Variants in CHRDL1 observed in about 807,000 individuals in gnomAD.
CHRDL1 encodes the protein chordin-like protein 1.
In CHRDL1, 19 loss-of-function variants were observed where a neutral mutation model predicts 40.9. That is an observed-to-expected ratio of 0.46 (90% confidence interval 0.32 to 0.68). The LOEUF (loss-of-function observed/expected upper bound fraction) is 0.68, where lower values mean the gene tolerates loss of function less well. Among genes scored for constraint, CHRDL1 ranks in the 30% least tolerant of loss-of-function variants. The probability of loss-of-function intolerance (pLI) is 0.03; values close to 1 mark genes in which losing one functional copy is unlikely to be tolerated. For missense variants in CHRDL1, 329 were observed against 352.1 expected, an observed-to-expected ratio of 0.93 and a Z score of 0.53; for synonymous variants, 136 against 123.4, an observed-to-expected ratio of 1.10 and a Z score of -0.68.
At chrX:110,738,739 CA>C (rs773511151) in intron 4 of CHRDL1, among the ~76,000 whole-genome samples, 1,159 of 65,188 alleles carry the variant, frequency 0.018, 19 homozygotes, top group African/African-American at 0.048. Flanking sequence ...GAGACTCCTT[CA>C]AAAAAAAAAA....
Position 110,679,418 on chromosome X carries a change from G to C in CHRDL1, c.1164C>G (p.Leu388=), listed in dbSNP as rs901511499. ...VHVWTIRKGI[L]QHFHIEKISK... Reference sequence around the variant, plus strand: ...AGATCTTCTCAATATGGAAGTGCTGGAGAATGCCTAGGGCCAAGCAAAAAG... The same window carrying C: ...AGATCTTCTCAATATGGAAGTGCTGCAGAATGCCTAGGGCCAAGCAAAAAG... Residue 388 remains leucine (L), a synonymous_variant, in exon 11 of 12, where the codon CTC becomes CTG. Transcript: ENST00000372042. 2 of 1,198,589 alleles carry C rather than the reference G, an allele frequency of 1.7e-6. No individual in the cohort carries two copies. The highest frequency in any genetic ancestry group is 4.4e-5 in the Admixed American group (2 of 45,971).
intron 6 of CHRDL1, among the ~76,000 whole-genome samples, chrX:110,713,671 T>C (rs1370208896): frequency 1.8e-5 from 2 of 112,485 alleles, no homozygotes; most frequent in Non-Finnish European, 3.8e-5. Context: ...CATTTGTCCT[T>C]GGACAAATCA....
intron 5 of CHRDL1, 53 bp from the exon 6 acceptor site, chrX:110,719,981 G>A: frequency 1.3e-6 from 1 of 793,421 alleles, no homozygotes; most frequent in Non-Finnish European, 1.9e-6. Context: ...AAGTGTAAAG[G>A]CTTCACTTAA....
chrX:110,767,715 G>A (rs1222174210), intron 2 of CHRDL1, among the ~76,000 whole-genome samples: 1 of 111,074 alleles, frequency 9.0e-6, no homozygotes, highest in Non-Finnish European at 1.9e-5. Context: ...AAACACTGCT[G>A]AGAGACATCA....
At chrX:110,702,249 G>T (rs16986084) in intron 6 of CHRDL1, among the ~76,000 whole-genome samples, 6,547 of 111,058 alleles carry the variant, frequency 0.059, 457 homozygotes, top group African/African-American at 0.2. Context: ...CTTCCGTGCT[G>T]TAGCTCATGT....
At chrX:110,689,606 C>CTA (rs1366698506) in intron 8 of CHRDL1, among the ~76,000 whole-genome samples, 777 of 2,237 alleles carry the variant, frequency 0.35, 213 homozygotes, top group Middle Eastern at 0.5. Flanking sequence ...CTATATATAT[C>CTA]TATATATCTA....
rs768110433 is a variant in CHRDL1, at chrX:110,721,714, T to TATCCATCC, written c.302-192_302-185dup. ...AAGTACAGCAGCTGACATTATGATC[T>TATCCATCC]ATCCATCCATCCATCCATCCATCCG... On this transcript the variant is annotated intron_variant, in intron 4 of 11. Coordinates refer to ENST00000372042, the MANE Select transcript of CHRDL1 (RefSeq NM_001143981.2). 7.6e-4 allele frequency among the ~76,000 whole-genome samples: 85 copies of TATCCATCC among 111,943 alleles called. 1 individual carries two copies. Among genetic ancestry groups the TATCCATCC allele is most frequent in the Admixed American group, 4.1e-3 (44 of 10,611 alleles).
chrX:110,729,710 C>T (rs778280530), intron 4 of CHRDL1, among the ~76,000 whole-genome samples: 2 of 111,731 alleles, frequency 1.8e-5, no homozygotes, highest in African/African-American at 6.5e-5. Context: ...GCTTCCAAGA[C>T]CTGTCCTAGG....
intron 6 of CHRDL1, among the ~76,000 whole-genome samples, chrX:110,710,608 G>C (rs535196109): frequency 8.9e-6 from 1 of 111,750 alleles, no homozygotes; most frequent in South Asian, 3.8e-4. Flanking sequence ...TATTCTAGAC[G>C]TAAGAAACAT....
chrX:110,742,697 T>C (rs1194691078), intron 4 of CHRDL1, among the ~76,000 whole-genome samples: 2 of 111,522 alleles, frequency 1.8e-5, no homozygotes, highest in Non-Finnish European at 3.8e-5. Context: ...GGAGATGTGG[T>C]AGAAGCACAG....
Position 110,675,138 on chromosome X carries a change from G to T in CHRDL1, c.*1093C>A, listed in dbSNP as rs1362821721. The T allele has an allele frequency of 9.0e-6, 1 of 111,629 alleles. No homozygotes were observed. The highest frequency in any genetic ancestry group is 2.8e-4 in the East Asian group (1 of 3,565). The allele number at this position is 111,629 out of a possible 1,213,427, so 9.2% of individuals were successfully genotyped here. On this transcript the variant is annotated 3_prime_UTR_variant, in exon 12 of 12. Transcript: ENST00000372042. ...AAGTAAAAATCAACTCCTATAATTG[G>T]AGAAGAAGGAAAACTTCCCTTTTAA...
At chrX:110,719,747 T>C (rs2070911879) in intron 6 of CHRDL1, 88 bp downstream of exon 6, 1 of 480,034 alleles carries the variant, frequency 2.1e-6, no homozygotes, top group Non-Finnish European at 3.4e-6. Flanking sequence ...TACCTTTCCC[T>C]AGGACATTAG....
chrX:110,760,601 C>A (rs1247881059), intron 3 of CHRDL1, among the ~76,000 whole-genome samples: 1 of 111,532 alleles, frequency 9.0e-6, no homozygotes, highest in African/African-American at 3.3e-5. Context: ...AGCCTCAGCT[C>A]CCAATGGTTA....
At position 110,689,458 on chromosome X, in the gene CHRDL1, C is replaced by A. The variant is rs35829544; in HGVS notation, c.779-655G>T. Among the ~76,000 whole-genome samples the A allele has an allele frequency of 2.9e-3, 154 of 52,221 alleles. 5 individuals are homozygous for A. In the African/African-American group the frequency reaches 0.038, roughly 13 times the overall value. The allele number at this position is 52,221 out of a possible 115,157, so 45.3% of individuals were successfully genotyped here. A position where few individuals can be genotyped will look rare whatever the true frequency, so the allele number is the denominator to read the frequency against. On this transcript the variant is annotated intron_variant, in intron 8 of 11. Coordinates refer to ENST00000372042, the MANE Select transcript of CHRDL1 (RefSeq NM_001143981.2). ...TATATATCTATATATATCTATATAT[C>A]TATATATATCTATATATCTATATAT... is the stretch of plus-strand genomic sequence containing the variant.
At chrX:110,730,718 G>A (rs1471856113) in intron 4 of CHRDL1, among the ~76,000 whole-genome samples, 1 of 110,789 alleles carries the variant, frequency 9.0e-6, no homozygotes, top group Non-Finnish European at 1.9e-5. Context: ...GAGGTGCTAG[G>A]ATTACAGGCT....
intron 2 of CHRDL1, among the ~76,000 whole-genome samples, chrX:110,783,719 C>A (rs1260279325): frequency 9.0e-6 from 1 of 111,450 alleles, no homozygotes; most frequent in African/African-American, 3.3e-5. Flanking sequence ...TCAGCTTGCC[C>A]TCATTAGAGG....
chrX:110,763,116 TC>T (rs949653251), intron 2 of CHRDL1, among the ~76,000 whole-genome samples: 3 of 111,217 alleles, frequency 2.7e-5, no homozygotes, highest in African/African-American at 9.8e-5. Flanking sequence ...ATGTACAAAA[TC>T]TTTTTAAATT....
chrX:110,694,475 A>C, intron 7 of CHRDL1, 144 bp from the exon 8 acceptor site: 1 of 401,755 alleles, frequency 2.5e-6, no homozygotes, highest in Non-Finnish European at 4.1e-6. Flanking sequence ...ACCAATAGAA[A>C]TAGGGATGTG....
intron 8 of CHRDL1, among the ~76,000 whole-genome samples, chrX:110,693,030 G>A (rs1350628762): frequency 8.9e-6 from 1 of 111,943 alleles, no homozygotes; most frequent in African/African-American, 3.2e-5. Flanking sequence ...ACATGTTTGT[G>A]GTTTCATAAA....
Sources: gnomAD v4.1 joint callset for allele counts (sites outside exome capture counted in the v4.1 genomes callset) on GRCh38, gnomAD v4.1.1 for gene constraint, MANE v1.5 for transcripts, NCBI Gene and HGNC (gene_info 2026-07-23, HGNC 2026-07-21) for gene names.